DYNC1I1: variants seen among roughly 807,000 people sequenced by gnomAD.
DYNC1I1 encodes dynein cytoplasmic 1 intermediate chain 1, also known as cytoplasmic dynein 1 intermediate chain 1.
In DYNC1I1, 43 loss-of-function variants were observed where a neutral mutation model predicts 86.6. The ratio of observed to expected loss-of-function variants is 0.50; its 90% CI spans 0.39 to 0.64. The LOEUF is 0.64. DYNC1I1 is among the 30% of genes least tolerant of loss of function. The probability of loss-of-function intolerance (pLI) is 0.00; values close to 1 mark genes in which losing one functional copy is unlikely to be tolerated. For synonymous variants in DYNC1I1, 262 were observed against 283.7 expected, an observed-to-expected ratio of 0.92 and a Z score of 0.77; for missense variants, 604 against 788.8, an observed-to-expected ratio of 0.77 and a Z score of 2.81.
At chr7:95,980,593 G>T (rs1793434875) in intron 7 of DYNC1I1, among the ~76,000 whole-genome samples, 1 of 148,962 alleles carries the variant, frequency 6.7e-6, no homozygotes, top group Non-Finnish European at 1.5e-5. Flanking sequence ...GGTGGTGAGG[G>T]GGACATGGGG....
In DYNC1I1 at chr7:96,089,997, T is replaced by C. The variant is rs575044308; in HGVS notation, c.1777-7486T>C. On this transcript the variant is annotated intron_variant, in intron 16 of 16. Coordinates refer to ENST00000447467, the MANE Select transcript of DYNC1I1 (RefSeq NM_001135556.2). Reference sequence around the variant, plus strand: ...TTTTTCCTACCATTTTCTTGATCTTTTGTGTTATGGAAAACAAGTTATTCA... The same window carrying C: ...TTTTTCCTACCATTTTCTTGATCTTCTGTGTTATGGAAAACAAGTTATTCA... 2.6e-5 allele frequency among the ~76,000 whole-genome samples: 4 copies of C among 152,254 alleles called. No individual in the cohort carries two copies. The East Asian group carries it at 7.8e-4, about 30-fold the overall frequency.
At chr7:95,908,282 G>A (rs1411612646) in intron 6 of DYNC1I1, among the ~76,000 whole-genome samples, 1 of 152,036 alleles carries the variant, frequency 6.6e-6, no homozygotes, top group Admixed American at 6.5e-5. Flanking sequence ...CTCTAGTTTT[G>A]CAAATGAGCT....
intron 13 of DYNC1I1, among the ~76,000 whole-genome samples, chr7:96,036,303 T>C (rs973108845): frequency 1.5e-4 from 23 of 152,174 alleles, no homozygotes; most frequent in Middle Eastern, 3.2e-3. Flanking sequence ...GAATATTTAC[T>C]AAGAACCTAC....
chr7:95,801,281 T>G (rs753923670), intron 1 of DYNC1I1, among the ~76,000 whole-genome samples: 2 of 152,362 alleles, frequency 1.3e-5, no homozygotes, highest in African/African-American at 2.4e-5. Context: ...TTTTAAAATA[T>G]TGACTCTCCG....
chr7:95,835,994 T>G (rs1425969133), intron 5 of DYNC1I1, among the ~76,000 whole-genome samples: 3 of 152,226 alleles, frequency 2.0e-5, no homozygotes, highest in Admixed American at 2.0e-4. Flanking sequence ...TATTCTTATG[T>G]GTGAATTTGA....
intron 7 of DYNC1I1, among the ~76,000 whole-genome samples, chr7:95,979,040 C>A (rs568910567): frequency 6.6e-6 from 1 of 152,152 alleles, no homozygotes; most frequent in Non-Finnish European, 1.5e-5. Flanking sequence ...GTGATCCACC[C>A]GCCTTAGCCT....
chr7:95,950,987 G>A (rs530991453), intron 6 of DYNC1I1, among the ~76,000 whole-genome samples: 2 of 152,270 alleles, frequency 1.3e-5, no homozygotes, highest in Admixed American at 6.5e-5. Flanking sequence ...ACTTCAAAAT[G>A]AAATTGTCTG....
At chr7:95,945,657 C>T (rs144120361) in intron 6 of DYNC1I1, among the ~76,000 whole-genome samples, 14 of 152,018 alleles carry the variant, frequency 9.2e-5, no homozygotes, top group African/African-American at 3.1e-4. Flanking sequence ...CATTAAACAT[C>T]AGGTATTTTA....
intron 16 of DYNC1I1, among the ~76,000 whole-genome samples, chr7:96,085,143 C>T (rs933698903): frequency 6.6e-6 from 1 of 152,192 alleles, no homozygotes; most frequent in African/African-American, 2.4e-5. Flanking sequence ...CCTGTCCCAG[C>T]TGAGGCTGCA....
chr7:96,086,222 G>T (rs1790676450), intron 16 of DYNC1I1, among the ~76,000 whole-genome samples: 1 of 152,202 alleles, frequency 6.6e-6, no homozygotes, highest in Non-Finnish European at 1.5e-5. Context: ...AACTATGTTT[G>T]CTGCTTATCT....
intron 10 of DYNC1I1, among the ~76,000 whole-genome samples, chr7:96,000,600 T>C (rs1008666090): frequency 2.0e-5 from 3 of 152,178 alleles, no homozygotes; most frequent in African/African-American, 7.2e-5. Context: ...TTCTGCCAAT[T>C]GAGAATGACC....
At chr7:95,848,453 T>C (rs955140985) in intron 5 of DYNC1I1, among the ~76,000 whole-genome samples, 1 of 152,134 alleles carries the variant, frequency 6.6e-6, no homozygotes, top group Non-Finnish European at 1.5e-5. Flanking sequence ...ACATGAACTT[T>C]TTAAGATTCC....
At chr7:95,822,997 C>G (rs993121167) in intron 4 of DYNC1I1, among the ~76,000 whole-genome samples, 1 of 152,132 alleles carries the variant, frequency 6.6e-6, no homozygotes, top group African/African-American at 2.4e-5. Flanking sequence ...TCAGCATCAC[C>G]TACTCTAGTC....
At chr7:95,985,893 AT>A (rs1488519311) in intron 8 of DYNC1I1, among the ~76,000 whole-genome samples, 1 of 152,136 alleles carries the variant, frequency 6.6e-6, no homozygotes, top group African/African-American at 2.4e-5. Flanking sequence ...AAACAACAGT[AT>A]TTTGAATATA....
In DYNC1I1 at chr7:96,088,311, G is replaced by C. The variant is rs537476470; in HGVS notation, c.1776+7823G>C. Reference sequence around the variant, plus strand: ...AATATTATAAACAGCAAATTAATGTGTGTATAGTAATTTCAAAATTCAATG... The same window carrying C: ...AATATTATAAACAGCAAATTAATGTCTGTATAGTAATTTCAAAATTCAATG... On this transcript the variant is annotated intron_variant, in intron 16 of 16. Transcript: ENST00000447467. 1.4e-4 allele frequency among the ~76,000 whole-genome samples: 21 copies of C among 152,190 alleles called. No homozygotes were observed. In the East Asian group the frequency reaches 3.1e-3, roughly 22 times the overall value.
chr7:95,864,721 G>A (rs1789974010), intron 5 of DYNC1I1, among the ~76,000 whole-genome samples: 1 of 152,202 alleles, frequency 6.6e-6, no homozygotes, highest in Admixed American at 6.5e-5. Context: ...ACTTTCTGTA[G>A]CCCTCTTCTT....
At chr7:95,788,460 A>T (rs1390372410) in intron 1 of DYNC1I1, among the ~76,000 whole-genome samples, 1 of 152,192 alleles carries the variant, frequency 6.6e-6, no homozygotes, top group East Asian at 1.9e-4. Flanking sequence ...CAAAAGCTGG[A>T]TGCACATGAA....
At chr7:95,947,094 C>T (rs1257241964) in intron 6 of DYNC1I1, among the ~76,000 whole-genome samples, 1 of 152,162 alleles carries the variant, frequency 6.6e-6, no homozygotes, top group Non-Finnish European at 1.5e-5. Context: ...CTCAAGTTAA[C>T]TAGCTTCTCT....
intron 16 of DYNC1I1, among the ~76,000 whole-genome samples, chr7:96,082,450 A>G (rs1400865906): frequency 6.6e-6 from 1 of 152,164 alleles, no homozygotes; most frequent in Non-Finnish European, 1.5e-5. Context: ...TCTTTGCTCT[A>G]TCTCCTTTGC....
Sources: allele counts gnomAD v4.1 joint callset (sites outside exome capture counted in the v4.1 genomes callset), GRCh38; gene constraint gnomAD v4.1.1; transcripts MANE v1.5; gene names NCBI Gene and HGNC (gene_info 2026-07-23, HGNC 2026-07-21).